Variants in AHI1 observed in about 807,000 individuals in gnomAD.
AHI1 encodes Abelson helper integration site 1.
AHI1 carries 123 observed loss-of-function variants against 149.3 expected under a neutral mutation model. The observed-to-expected ratio is 0.82, with a 90% confidence interval of 0.71 to 0.96. The LOEUF (loss-of-function observed/expected upper bound fraction) is 0.96. Ranked by LOEUF, AHI1 falls within the 40% of genes least tolerant of loss-of-function variation. AHI1 has a pLI of 0.00. For missense variants in AHI1, 1,439 were observed against 1,422.7 expected (o/e 1.01, Z -0.18); for synonymous variants, 475 against 459.8 (o/e 1.03, Z -0.42).
At position 135,447,212 on chromosome 6, in the gene AHI1, TTTTCTA is replaced by T. The variant is rs1787380556; in HGVS notation, c.1627-58_1627-53del. On this transcript the variant is annotated intron_variant, in intron 12 of 28. Transcript: ENST00000265602. ...TTATATACCATGTTCACCTTTTTCT[TTTTCTA>T]GCATATAGTTTTTAAAATACTGAAA... 2.4e-6 allele frequency: 3 copies of T among 1,251,422 alleles called. No individual in the cohort carries two copies. In the African/African-American group the frequency reaches 4.6e-5, roughly 19 times the overall value. The allele number at this position is 1,251,422 out of a possible 1,614,324, so 77.5% of individuals were successfully genotyped here. A position where few individuals can be genotyped will look rare whatever the true frequency, so the allele number is the denominator to read the frequency against.
intron 15 of AHI1, among the ~76,000 whole-genome samples, chr6:135,434,363 C>G (rs979799945): frequency 6.6e-6 from 1 of 151,872 alleles, no homozygotes; most frequent in African/African-American, 2.4e-5. Flanking sequence ...ATCAATTGCA[C>G]AAGCATTTTT....
intron 14 of AHI1, among the ~76,000 whole-genome samples, chr6:135,441,316 A>G (rs1786261420): frequency 6.6e-6 from 1 of 152,136 alleles, no homozygotes; most frequent in Non-Finnish European, 1.5e-5. Flanking sequence ...GAAAAATAGA[A>G]AAGTTTCAGA....
At position 135,432,030 on chromosome 6, in the gene AHI1, C is replaced by T. The variant is rs773203565; in HGVS notation, c.2267-716G>A. ...TTTTTTTTTTTGCACATTTGGATATCGTATGGCCAAATAGTTGAAGAAAGT... is the reference window on the plus strand; with the variant it reads ...TTTTTTTTTTTGCACATTTGGATATTGTATGGCCAAATAGTTGAAGAAAGT... On this transcript the variant is annotated intron_variant, in intron 16 of 28. Coordinates refer to ENST00000265602, the MANE Select transcript of AHI1 (RefSeq NM_001134831.2). Among the ~76,000 whole-genome samples the T allele has an allele frequency of 3.8e-4, 55 of 143,920 alleles. No individual in the cohort carries two copies. In the Middle Eastern group the frequency reaches 0.018, roughly 47 times the overall value. The allele number at this position is 143,920 out of a possible 152,430, so 94.4% of individuals were successfully genotyped here. A position where few individuals can be genotyped will look rare whatever the true frequency, so the allele number is the denominator to read the frequency against.
chr6:135,320,347 G>C (rs17064422), intron 25 of AHI1, among the ~76,000 whole-genome samples: 1,774 of 152,260 alleles, frequency 0.012, 39 homozygotes, highest in African/African-American at 0.041. Flanking sequence ...GGTCATCATT[G>C]AGACAAAGAA....
intron 5 of AHI1, among the ~76,000 whole-genome samples, chr6:135,482,285 T>G (rs1022083117): frequency 6.6e-6 from 1 of 152,174 alleles, no homozygotes; most frequent in African/African-American, 2.4e-5. Context: ...TGTTAAACTC[T>G]CCAGTAAGGA....
chr6:135,463,303 T>C lies in AHI1; in HGVS notation c.753A>G (p.Thr251=), dbSNP rs765138492. ...VPVFSKAETS[T]LTISGDTVEG... is the part of the protein sequence containing the mutation. ...CAACTGTGTCACCAGAGATGGTCAA[T>C]GTACTACAAATATAATCCAAGTATC... The change falls in exon 8 of 29, where the codon ACA becomes ACG. Residue 251 remains threonine, a synonymous_variant. Coordinates refer to ENST00000265602, the MANE Select transcript of AHI1 (RefSeq NM_001134831.2). 3 of 1,600,496 alleles carry C rather than the reference T, an allele frequency of 1.9e-6. No individual in the cohort carries two copies. The highest frequency in any genetic ancestry group is 2.6e-6 in the Non-Finnish European group (3 of 1,175,892).
chr6:135,437,707 C>CAGG (rs2128036174), intron 15 of AHI1, among the ~76,000 whole-genome samples: 1 of 152,230 alleles, frequency 6.6e-6, no homozygotes, highest in South Asian at 2.1e-4. Flanking sequence ...AGAATAATGT[C>CAGG]TTACCTAATA....
At chr6:135,339,634 G>A (rs1238913948) in intron 24 of AHI1, among the ~76,000 whole-genome samples, 1 of 152,074 alleles carries the variant, frequency 6.6e-6, no homozygotes, top group African/African-American at 2.4e-5. Flanking sequence ...TTTAGTCTGA[G>A]GAACAGAAGG....
At chr6:135,427,107 G>C in intron 20 of AHI1, 60 bp downstream of exon 20, 1 of 1,500,592 alleles carries the variant, frequency 6.7e-7, no homozygotes, top group South Asian at 1.2e-5. Context: ...CAGATTCCTG[G>C]TTTAGTCTAA....
Position 135,466,135 on chromosome 6 carries a change from G to A in AHI1, c.428C>T (p.Pro143Leu), listed in dbSNP as rs192524061. 9.3e-6 allele frequency: 15 copies of A among 1,613,650 alleles called. No homozygotes were observed. The highest frequency in any genetic ancestry group is 8.3e-5 in the Admixed American group (5 of 59,958). ...ATCAACCTTATTCTCAGGAGTTTCCGGTTTCAGGTCTTGTGTAGTCAACTG... is the reference window on the plus strand; with the variant it reads ...ATCAACCTTATTCTCAGGAGTTTCCAGTTTCAGGTCTTGTGTAGTCAACTG... ...VPQLTTQDLK[P>L]ETPENKVDST... The change falls in exon 7 of 29, where the codon CCG becomes CTG. Residue 143 changes from proline to leucine, a missense_variant. Transcript: ENST00000265602.
chr6:135,443,000 A>G (rs1490650108), intron 13 of AHI1, among the ~76,000 whole-genome samples: 3 of 152,190 alleles, frequency 2.0e-5, no homozygotes, highest in African/African-American at 7.2e-5. Flanking sequence ...CATCACTGCC[A>G]CACTGCTTCT....
At chr6:135,480,511 C>T (rs1412980746) in intron 5 of AHI1, among the ~76,000 whole-genome samples, 2 of 152,108 alleles carry the variant, frequency 1.3e-5, no homozygotes, top group Non-Finnish European at 2.9e-5. Flanking sequence ...TTTATTTCCT[C>T]CCATACTTTG....
At position 135,323,012 on chromosome 6, in the gene AHI1, T is replaced by G. The variant is rs963995588; in HGVS notation, c.3328+150A>C. The G allele has an allele frequency of 7.1e-6, 6 of 845,584 alleles. No individual in the cohort carries two copies. The African/African-American group carries it at 1.0e-4, about 15-fold the overall frequency. The allele number at this position is 845,584 out of a possible 1,614,324, so 52.4% of individuals were successfully genotyped here. A position where few individuals can be genotyped will look rare whatever the true frequency, so the allele number is the denominator to read the frequency against. ...AATGTACTAGTGCCTCCTCTTTTTA[T>G]TTTTTTACATCATGAGAATGAAAAA... On this transcript the variant is annotated intron_variant, in intron 25 of 28. Transcript: ENST00000265602.
intron 5 of AHI1, among the ~76,000 whole-genome samples, chr6:135,489,260 A>G (rs1794911909): frequency 6.6e-6 from 1 of 152,122 alleles, no homozygotes; most frequent in South Asian, 2.1e-4. Context: ...AGGCTGGATA[A>G]ATTATGCTTA....
At chr6:135,382,004 T>C (rs1034968507) in intron 23 of AHI1, among the ~76,000 whole-genome samples, 2 of 152,240 alleles carry the variant, frequency 1.3e-5, no homozygotes, top group African/African-American at 2.4e-5. Context: ...GTGTTATTTC[T>C]GGTTCTTCTC....
chr6:135,371,860 C>T (rs1387445266), intron 23 of AHI1, among the ~76,000 whole-genome samples: 1 of 152,076 alleles, frequency 6.6e-6, no homozygotes, highest in East Asian at 1.9e-4. Context: ...AGGATCTGTG[C>T]AGGGTAAGCA....
chr6:135,453,202 C>T (rs1788400074), intron 11 of AHI1, 139 bp downstream of exon 11: 2 of 714,036 alleles, frequency 2.8e-6, no homozygotes, highest in Non-Finnish European at 4.9e-6. Flanking sequence ...ATAACCTGAG[C>T]TTGAATTAGT....
intron 26 of AHI1, among the ~76,000 whole-genome samples, chr6:135,316,467 G>T (rs1382899892): frequency 6.6e-6 from 1 of 151,920 alleles, no homozygotes; most frequent in African/African-American, 2.4e-5. Flanking sequence ...AAGCTACCAG[G>T]GTCCTCTTGA....
intron 23 of AHI1, among the ~76,000 whole-genome samples, chr6:135,386,716 C>T (rs770392082): frequency 7.9e-5 from 12 of 152,006 alleles, no homozygotes; most frequent in East Asian, 5.8e-4. Context: ...CTGCAACTTC[C>T]GCCTCCCAGG....
Sources: allele counts gnomAD v4.1 joint callset (sites outside exome capture counted in the v4.1 genomes callset), GRCh38; gene constraint gnomAD v4.1.1; transcripts MANE v1.5; gene names NCBI Gene and HGNC (gene_info 2026-07-23, HGNC 2026-07-21).